PLPP1: variants seen among roughly 807,000 people sequenced by gnomAD.
PLPP1 encodes the protein phospholipid phosphatase 1.
In PLPP1, 24 loss-of-function variants were observed where a neutral mutation model predicts 31.2. The observed-to-expected ratio is 0.77, with a 90% CI of 0.56 to 1.08. The LOEUF is 1.08. Ranked by LOEUF, PLPP1 falls within the 50% of genes least tolerant of loss-of-function variation. The pLI, the probability that PLPP1 is intolerant of heterozygous loss-of-function variation, is 0.00. For missense variants in PLPP1, 319 were observed against 342.7 expected (o/e 0.93, Z 0.55); for synonymous variants, 146 against 126.3 (o/e 1.16, Z -1.05).
At position 55,500,762 on chromosome 5, in the gene PLPP1, G is replaced by A. The variant is rs545130504; in HGVS notation, c.59-25312C>T. Among the ~76,000 whole-genome samples, 13 of 152,252 alleles carry A rather than the reference G, an allele frequency of 8.5e-5. 1 individual carries two copies. The highest frequency in any genetic ancestry group is 5.2e-4 in the Admixed American group (8 of 15,284). ...AAGGCCAGAGGCAAGAAATACCAGT[G>A]TATATGAGAGATGTTAAGGGCCTGA... On this transcript the variant is annotated intron_variant, in intron 1 of 5. Transcript: ENST00000307259.
chr5:55,505,603 T>A (rs7714880), intron 1 of PLPP1, among the ~76,000 whole-genome samples: 9,299 of 152,180 alleles, frequency 0.061, 518 homozygotes, highest in African/African-American at 0.13. Context: ...AATATCTATG[T>A]TTGAAAACTT....
chr5:55,435,172 C>G (rs757126625), intron 4 of PLPP1, among the ~76,000 whole-genome samples: 9 of 152,082 alleles, frequency 5.9e-5, no homozygotes, highest in Non-Finnish European at 1.0e-4. Context: ...CAGGAAAATG[C>G]AAGTCAAAAC....
chr5:55,444,689 A>G (rs888984240), intron 3 of PLPP1, among the ~76,000 whole-genome samples: 5 of 151,288 alleles, frequency 3.3e-5, no homozygotes, highest in Non-Finnish European at 7.4e-5. Context: ...GCCAGCTTCA[A>G]TTATTAAGTA....
rs1171168467 is a variant in PLPP1 at position 55,514,463 on chromosome 5, C to G, written c.58+20109G>C. ...TCAGCTGGTTTTGAAAGTTCATATC[C>G]CCCCACCATAAAAAAAATTTTAAAT... is the stretch of plus-strand genomic sequence containing the variant. On this transcript the variant is annotated intron_variant, in intron 1 of 5. Coordinates refer to ENST00000307259, the MANE Select transcript of PLPP1 (RefSeq NM_003711.4). 2.0e-5 allele frequency among the ~76,000 whole-genome samples: 3 copies of G among 152,004 alleles called. No homozygotes were observed. The East Asian group carries it at 5.8e-4, about 29-fold the overall frequency.
At chr5:55,433,011 GAGAA>G (rs1274470833) in intron 4 of PLPP1, among the ~76,000 whole-genome samples, 1 of 151,872 alleles carries the variant, frequency 6.6e-6, no homozygotes, top group Admixed American at 6.6e-5. Flanking sequence ...AATGAGGCAA[GAGAA>G]AGAAATAAAC....
Position 55,534,668 on chromosome 5 carries a change from AG to A in PLPP1, c.-40del. The A allele has an allele frequency of 6.6e-7, 1 of 1,519,680 alleles. No homozygotes were observed. Among genetic ancestry groups the A allele is most frequent in the Non-Finnish European group, 8.8e-7 (1 of 1,134,708 alleles). 94.1% of individuals were successfully genotyped at this position (1,519,680 alleles called of 1,614,324 possible). ...GCTGCCCGGCAAGGGCGATGGACTG[AG>A]CTGCGGGACGGCGGCCGAGGCCCTT... On this transcript the variant is annotated 5_prime_UTR_variant, in exon 1 of 6. Transcript: ENST00000307259.
At chr5:55,517,829 C>G (rs1753583557) in intron 1 of PLPP1, among the ~76,000 whole-genome samples, 1 of 152,158 alleles carries the variant, frequency 6.6e-6, no homozygotes, top group Non-Finnish European at 1.5e-5. Flanking sequence ...AAAAACAGAG[C>G]TACCAGCAAT....
intron 3 of PLPP1, among the ~76,000 whole-genome samples, chr5:55,444,743 T>TTGTGTGTGTGTGTG (rs1554037412): frequency 1.2e-4 from 17 of 137,378 alleles, no homozygotes; most frequent in African/African-American, 3.5e-4. Context: ...GGATTCTATT[T>TTGTGTGTGTGTGTG]TGTGTGTGTG....
At chr5:55,507,495 G>T (rs1561251170) in intron 1 of PLPP1, among the ~76,000 whole-genome samples, 1 of 152,168 alleles carries the variant, frequency 6.6e-6, no homozygotes, top group African/African-American at 2.4e-5. Context: ...AGTATGAAAG[G>T]GAGCAGGGAA....
At chr5:55,485,600 A>G (rs572272207) in intron 1 of PLPP1, among the ~76,000 whole-genome samples, 1 of 152,306 alleles carries the variant, frequency 6.6e-6, no homozygotes, top group African/African-American at 2.4e-5. Flanking sequence ...TGAAAAATGA[A>G]AACAGAAAAA....
At chr5:55,474,544 C>T (rs1337217044) in intron 2 of PLPP1, among the ~76,000 whole-genome samples, 1 of 152,192 alleles carries the variant, frequency 6.6e-6, no homozygotes, top group African/African-American at 2.4e-5. Flanking sequence ...GTTTAAGACT[C>T]ACTCTTGCAT....
intron 3 of PLPP1, among the ~76,000 whole-genome samples, chr5:55,443,192 A>AAAAAAAAAATATATATATATATAT: frequency 7.9e-5 from 2 of 25,418 alleles, no homozygotes; most frequent in Non-Finnish European, 1.7e-4. Flanking sequence ...AAAAAAAAAA[A>AAAAAAAAAATATATATATATATAT]ATATATATAT....
chr5:55,519,395 C>T (rs796282949), intron 1 of PLPP1, among the ~76,000 whole-genome samples: 3 of 152,210 alleles, frequency 2.0e-5, no homozygotes, highest in South Asian at 2.1e-4. Context: ...CACTGCATAA[C>T]TATGCTAGTG....
At chr5:55,468,755 A>G (rs1055938239) in intron 2 of PLPP1, among the ~76,000 whole-genome samples, 5 of 152,176 alleles carry the variant, frequency 3.3e-5, no homozygotes, top group Non-Finnish European at 7.3e-5. Context: ...GTGAGCCGAG[A>G]TCATGCCATT....
intron 1 of PLPP1, among the ~76,000 whole-genome samples, chr5:55,526,381 A>G (rs1270410927): frequency 5.9e-5 from 9 of 152,220 alleles, no homozygotes; most frequent in African/African-American, 2.2e-4. Flanking sequence ...TCAGCTGAAT[A>G]AAACCAACTA....
At chr5:55,501,801 G>A (rs901085818) in intron 1 of PLPP1, among the ~76,000 whole-genome samples, 2 of 152,142 alleles carry the variant, frequency 1.3e-5, no homozygotes, top group Non-Finnish European at 2.9e-5. Flanking sequence ...ACTGTGCCCC[G>A]CCACTAACTT....
Position 55,438,586 on chromosome 5 carries a change from G to A in PLPP1, c.549+3265C>T, listed in dbSNP as rs1212508693. ...AGATGAGTCATTGCTCAAGGAATTCGGGGGTGGGGCTTAGAGGTTAAATGT... is the reference window on the plus strand; with the variant it reads ...AGATGAGTCATTGCTCAAGGAATTCAGGGGTGGGGCTTAGAGGTTAAATGT... On this transcript the variant is annotated intron_variant, in intron 4 of 5. Transcript: ENST00000307259. Among the ~76,000 whole-genome samples the A allele has an allele frequency of 2.0e-5, 3 of 152,096 alleles. No individual in the cohort carries two copies. In the East Asian group the frequency reaches 5.8e-4, roughly 29 times the overall value.
At position 55,520,134 on chromosome 5, in the gene PLPP1, G is replaced by A. The variant is rs544349696; in HGVS notation, c.58+14438C>T. The stretch of plus-strand genomic sequence containing the variant: ...CTTTATTTATTCATATTTCTAGTTT[G>A]CTGTTCTCTCTCCAACCAAGAACTT... On this transcript the variant is annotated intron_variant, in intron 1 of 5. Transcript: ENST00000307259. Among the ~76,000 whole-genome samples the A allele has an allele frequency of 8.5e-5, 13 of 152,238 alleles. No individual in the cohort carries two copies. The South Asian group carries it at 2.5e-3, about 29-fold the overall frequency.
intron 1 of PLPP1, among the ~76,000 whole-genome samples, chr5:55,504,814 CTTTTTTTT>C (rs1170388009): frequency 7.2e-6 from 1 of 138,022 alleles, no homozygotes; most frequent in Non-Finnish European, 1.6e-5. Flanking sequence ...CCTAACTTTC[CTTTTTTTT>C]TTTTTTTTGA....
Sources: gnomAD v4.1 joint callset for allele counts (sites outside exome capture counted in the v4.1 genomes callset) on GRCh38, gnomAD v4.1.1 for gene constraint, MANE v1.5 for transcripts, NCBI Gene and HGNC (gene_info 2026-07-23, HGNC 2026-07-21) for gene names.